The following PDE11A variants were observed in gnomAD, a reference collection of about 807,000 sequenced individuals.
PDE11A encodes dual 3',5'-cyclic-AMP and -GMP phosphodiesterase 11A.
Under a neutral mutation model 100.5 loss-of-function variants are expected in PDE11A, and 100 were observed. That is an observed-to-expected ratio of 1.00 (90% CI 0.85 to 1.18). PDE11A has a LOEUF of 1.18. Among genes scored for constraint, PDE11A ranks in the 50% most tolerant of loss-of-function variants. PDE11A has a pLI of 0.00. For missense variants in PDE11A, 1,141 were observed against 1,152.6 expected, an observed-to-expected ratio of 0.99 and a Z score of 0.15; for synonymous variants, 381 against 420.8, an observed-to-expected ratio of 0.91 and a Z score of 1.16.
chr2:177,715,372 G>A (rs1387807720), intron 12 of PDE11A, among the ~76,000 whole-genome samples: 5 of 152,036 alleles, frequency 3.3e-5, no homozygotes, highest in Non-Finnish European at 7.4e-5. Context: ...TATGCTTTGG[G>A]TTGGAACTTT....
intron 1 of PDE11A, chr2:178,039,152 C>T (rs532761493): frequency 6.6e-6 from 1 of 152,066 alleles, no homozygotes; most frequent in African/African-American, 2.4e-5. Context: ...TCAACCTAAA[C>T]GCCCATCAAT....
At chr2:177,841,791 A>G (rs1217548600) in intron 5 of PDE11A, among the ~76,000 whole-genome samples, 1 of 152,266 alleles carries the variant, frequency 6.6e-6, no homozygotes, top group African/African-American at 2.4e-5. Flanking sequence ...TTTAATAAAA[A>G]GCTGAGTCTT....
chr2:178,005,887 T>C (rs1025327034), intron 2 of PDE11A, among the ~76,000 whole-genome samples: 5 of 152,074 alleles, frequency 3.3e-5, no homozygotes, highest in African/African-American at 1.2e-4. Context: ...TGGAAAGAAA[T>C]AGAAAGAAGG....
Position 178,072,333 on chromosome 2 carries a change from A to C in PDE11A, c.105T>G (p.Val35=), listed in dbSNP as rs756839119. 1 of 1,614,062 alleles carries C rather than the reference A, an allele frequency of 6.2e-7. No homozygotes were observed. The highest frequency in any genetic ancestry group is 8.5e-7 in the Non-Finnish European group (1 of 1,180,002). ...GACTGTGCCTCTGCAGCCACTTTTC[A>C]ACCATCTCCTGCTTCCCCTTCCGCA... is the stretch of plus-strand genomic sequence containing the variant. ...YLMRKGKQEM[V]EKWLQRHSQG... Residue 35 remains valine (V), a synonymous_variant, in exon 1 of 20, where the codon GTT becomes GTG. Coordinates refer to ENST00000286063, the MANE Select transcript of PDE11A (RefSeq NM_016953.4).
chr2:178,052,850 T>C (rs1182535627), intron 1 of PDE11A, among the ~76,000 whole-genome samples: 5 of 151,866 alleles, frequency 3.3e-5, no homozygotes, highest in Non-Finnish European at 4.4e-5. Flanking sequence ...AATAACAAGC[T>C]CTGAAACTGA....
intron 2 of PDE11A, among the ~76,000 whole-genome samples, chr2:178,001,839 C>T (rs34018298): frequency 0.056 from 8,456 of 152,172 alleles, 294 homozygotes; most frequent in South Asian, 0.092. Context: ...CCCAACTTGC[C>T]CACAAAACTT....
chr2:177,856,303 G>A (rs975254671), intron 5 of PDE11A, among the ~76,000 whole-genome samples: 4 of 152,024 alleles, frequency 2.6e-5, no homozygotes, highest in Non-Finnish European at 5.9e-5. Flanking sequence ...ACATTAGATC[G>A]TGGGGTGAGG....
rs56769555 is a variant in PDE11A, at chr2:177,881,341, GTCTATCTATCTA to G, written c.1303-5430_1303-5419del. ...ATCTCTATCTATCTATCATCTATCT[GTCTATCTATCTA>G]TCTATCTATCTATCTATCTATCTAT... On this transcript the variant is annotated intron_variant, in intron 4 of 19. Coordinates refer to ENST00000286063, the MANE Select transcript of PDE11A (RefSeq NM_016953.4). 1.5e-3 allele frequency among the ~76,000 whole-genome samples: 226 copies of G among 147,630 alleles called. 1 individual carries two copies. Among genetic ancestry groups the G allele is most frequent in the African/African-American group, 4.1e-3 (162 of 39,830 alleles).
chr2:177,998,340 T>C, intron 2 of PDE11A: 1 of 807,776 alleles, frequency 1.2e-6, no homozygotes, highest in Non-Finnish European at 2.2e-6. Flanking sequence ...AACAATGTCC[T>C]CTCCTTGAAG....
intron 2 of PDE11A, among the ~76,000 whole-genome samples, chr2:178,097,229 C>A (rs924381066): frequency 6.6e-6 from 1 of 152,116 alleles, no homozygotes; most frequent in African/African-American, 2.4e-5. Context: ...GTGCCCCAAA[C>A]CCCTGGTACC....
chr2:177,904,561 T>TG (rs1384402119), intron 3 of PDE11A, among the ~76,000 whole-genome samples: 1 of 150,960 alleles, frequency 6.6e-6, no homozygotes, highest in African/African-American at 2.4e-5. Context: ...ATCTCCTTTT[T>TG]TTTTTTTTTT....
intron 2 of PDE11A, among the ~76,000 whole-genome samples, chr2:177,989,257 G>A (rs1055547407): frequency 6.6e-6 from 1 of 152,210 alleles, no homozygotes; most frequent in Admixed American, 6.5e-5. Context: ...ATTCACTAGA[G>A]ATGTGGAATG....
At chr2:178,020,479 C>T (rs2086393559) in intron 1 of PDE11A, among the ~76,000 whole-genome samples, 2 of 152,166 alleles carry the variant, frequency 1.3e-5, no homozygotes, top group Non-Finnish European at 2.9e-5. Flanking sequence ...CTAAATCCAC[C>T]TGATAAACTG....
intron 2 of PDE11A, among the ~76,000 whole-genome samples, chr2:177,983,310 C>G (rs1411958377): frequency 6.6e-6 from 1 of 152,052 alleles, no homozygotes; most frequent in African/African-American, 2.4e-5. Flanking sequence ...CTTAAAGAAA[C>G]TTAATTTTAG....
At chr2:177,898,963 A>T (rs150181378) in intron 3 of PDE11A, among the ~76,000 whole-genome samples, 1 of 152,260 alleles carries the variant, frequency 6.6e-6, no homozygotes, top group African/African-American at 2.4e-5. Context: ...TATCTCCCGA[A>T]TTGGCCATTC....
chr2:177,931,180 A>C (rs2105763575), intron 2 of PDE11A, among the ~76,000 whole-genome samples: 1 of 152,152 alleles, frequency 6.6e-6, no homozygotes, highest in South Asian at 2.1e-4. Flanking sequence ...AAACAAAACA[A>C]ACAAACAAAC....
At chr2:177,865,674 AAG>A (rs367935077) in intron 5 of PDE11A, among the ~76,000 whole-genome samples, 2 of 152,182 alleles carry the variant, frequency 1.3e-5, no homozygotes, top group African/African-American at 4.8e-5. Context: ...ATCCATAAAA[AAG>A]AATGAAGGAA....
At chr2:177,988,425 A>T (rs1443050368) in intron 2 of PDE11A, among the ~76,000 whole-genome samples, 1 of 152,206 alleles carries the variant, frequency 6.6e-6, no homozygotes, top group Admixed American at 6.5e-5. Flanking sequence ...GCATTCTATT[A>T]CTGCTTTCCA....
intron 5 of PDE11A, among the ~76,000 whole-genome samples, chr2:177,850,263 T>C (rs909526823): frequency 2.0e-5 from 3 of 152,070 alleles, no homozygotes; most frequent in Non-Finnish European, 4.4e-5. Context: ...TTGACAAACC[T>C]GAGAAAAACA....
Sources: gnomAD v4.1 joint callset for allele counts (sites outside exome capture counted in the v4.1 genomes callset) on GRCh38, gnomAD v4.1.1 for gene constraint, MANE v1.5 for transcripts, NCBI Gene and HGNC (gene_info 2026-07-23, HGNC 2026-07-21) for gene names.